SULF1: variants seen among roughly 807,000 people sequenced by gnomAD.
SULF1 encodes extracellular sulfatase Sulf-1.
In SULF1, 46 loss-of-function variants were observed where a neutral mutation model predicts 110.5. That is an observed-to-expected ratio of 0.42 (90% CI 0.33 to 0.53). The LOEUF is 0.53. SULF1 is among the 20% of genes least tolerant of loss of function. The pLI is 0.12. For synonymous variants in SULF1, 371 were observed against 387.1 expected (o/e 0.96, Z 0.49); for missense variants, 941 against 1,094.2 (o/e 0.86, Z 1.98).
intron 3 of SULF1, among the ~76,000 whole-genome samples, chr8:69,555,686 C>T (rs1260505565): frequency 2.0e-5 from 3 of 151,972 alleles, no homozygotes; most frequent in Non-Finnish European, 4.4e-5. Context: ...ATGGGGTTCT[C>T]TTGACTGCAG....
intron 3 of SULF1, among the ~76,000 whole-genome samples, chr8:69,505,307 A>C (rs967614549): frequency 6.6e-6 from 1 of 152,174 alleles, no homozygotes; most frequent in Non-Finnish European, 1.5e-5. Context: ...CCTGGTTTTC[A>C]GCTTAAAATA....
At chr8:69,515,717 A>G (rs1811881163) in intron 3 of SULF1, among the ~76,000 whole-genome samples, 1 of 152,166 alleles carries the variant, frequency 6.6e-6, no homozygotes. Flanking sequence ...TTCTTCGTTT[A>G]TGCAAATGAA....
intron 7 of SULF1, 59 bp downstream of exon 7, chr8:69,586,567 C>A: frequency 6.5e-7 from 1 of 1,546,502 alleles, no homozygotes; most frequent in South Asian, 1.2e-5. Flanking sequence ...GGGGAAAAGC[C>A]ATTTTCAGTG....
chr8:69,575,213 T>A (rs543569327), intron 5 of SULF1, among the ~76,000 whole-genome samples: 2,050 of 152,210 alleles, frequency 0.013, 46 homozygotes, highest in African/African-American at 0.047. Context: ...TTTTTTTTTT[T>A]TCCTTCCTCA....
In SULF1 at chr8:69,519,643, T is replaced by C. The variant is rs146884542; in HGVS notation, c.-134+17675T>C. Among the ~76,000 whole-genome samples, 781 of 152,282 alleles carry C rather than the reference T, an allele frequency of 5.1e-3. 5 individuals carry two copies. Among genetic ancestry groups the C allele is most frequent in the African/African-American group, 0.018 (732 of 41,570 alleles). Reference sequence around the variant, plus strand: ...TAGAATAAAAAGTAGCAGGGCTGTTTTCAGCATTCAGTCTATGAAGTTGAC... The same window carrying C: ...TAGAATAAAAAGTAGCAGGGCTGTTCTCAGCATTCAGTCTATGAAGTTGAC... On this transcript the variant is annotated intron_variant, in intron 3 of 22. Transcript: ENST00000402687.
chr8:69,612,838 G>A (rs537875279), intron 13 of SULF1, among the ~76,000 whole-genome samples: 36 of 152,242 alleles, frequency 2.4e-4, no homozygotes, highest in South Asian at 4.1e-4. Flanking sequence ...CTTTTGCTGC[G>A]CAGAAGGTTT....
At chr8:69,482,601 C>T (rs1809555971) in intron 1 of SULF1, among the ~76,000 whole-genome samples, 1 of 151,590 alleles carries the variant, frequency 6.6e-6, no homozygotes, top group East Asian at 1.9e-4. Flanking sequence ...GAGAGAGGGG[C>T]AGGGGGAGGG....
chr8:69,560,661 A>G (rs138938436), intron 3 of SULF1, among the ~76,000 whole-genome samples: 95 of 152,354 alleles, frequency 6.2e-4, no homozygotes, highest in African/African-American at 2.1e-3. Flanking sequence ...AAAGTATCCA[A>G]TTCAAACATT....
intron 3 of SULF1, among the ~76,000 whole-genome samples, chr8:69,523,032 ATAACC>A (rs1374313850): frequency 6.6e-6 from 1 of 152,228 alleles, no homozygotes; most frequent in Non-Finnish European, 1.5e-5. Flanking sequence ...AATGGAAGAC[ATAACC>A]ACCTGTTTAT....
chr8:69,656,233 A>C (rs1008519157), intron 22 of SULF1, among the ~76,000 whole-genome samples: 1 of 152,126 alleles, frequency 6.6e-6, no homozygotes, highest in African/African-American at 2.4e-5. Flanking sequence ...TGCACTTTAT[A>C]GTTTATTTCG....
intron 3 of SULF1, among the ~76,000 whole-genome samples, chr8:69,502,524 T>A (rs1810875574): frequency 6.6e-6 from 1 of 152,104 alleles, no homozygotes; most frequent in Admixed American, 6.5e-5. Flanking sequence ...CATATGAGGG[T>A]ACAACCTCAT....
In SULF1 at chr8:69,603,182, C is replaced by G. The variant is rs1336918100; in HGVS notation, c.1062-10C>G. 4 of 1,614,120 alleles carry G rather than the reference C, an allele frequency of 2.5e-6. No homozygotes were observed. Among genetic ancestry groups the G allele is most frequent in the Non-Finnish European group, 2.5e-6 (3 of 1,180,002 alleles). ...TTGGATCTCAGCCATCACCGTGTGC[C>G]CCTTTACAGAGTCCCACAGATCGTT... On this transcript the variant is annotated splice_polypyrimidine_tract_variant and intron_variant, in intron 10 of 22. Transcript: ENST00000402687.
At position 69,645,608 on chromosome 8, in the gene SULF1, A is replaced by G. The variant is rs143888375; in HGVS notation, c.2585+4767A>G. 9.2e-5 allele frequency among the ~76,000 whole-genome samples: 14 copies of G among 152,342 alleles called. No homozygotes were observed. The East Asian group carries it at 2.7e-3, about 29-fold the overall frequency. ...GCCCCAACCCAACCCTGAGAAATCA[A>G]AGGAAGCTTTCCAAGGAGTTGGCAT... On this transcript the variant is annotated intron_variant, in intron 22 of 22. Coordinates refer to ENST00000402687, the MANE Select transcript of SULF1 (RefSeq NM_001128205.2).
intron 8 of SULF1, among the ~76,000 whole-genome samples, chr8:69,595,773 A>G (rs1807260742): frequency 6.6e-6 from 1 of 152,226 alleles, no homozygotes; most frequent in South Asian, 2.1e-4. Flanking sequence ...CACTAGAAAT[A>G]TATTAATTTT....
chr8:69,502,967 G>A (rs117164856), intron 3 of SULF1, among the ~76,000 whole-genome samples: 1,705 of 152,138 alleles, frequency 0.011, 9 homozygotes, highest in Middle Eastern at 0.041. Context: ...GATTATAGGC[G>A]TGAGCCACCA....
intron 22 of SULF1, among the ~76,000 whole-genome samples, chr8:69,649,176 A>G (rs780707284): frequency 5.3e-5 from 8 of 152,218 alleles, no homozygotes; most frequent in Non-Finnish European, 1.0e-4. Flanking sequence ...TTAACTTTCT[A>G]TTTTGATATA....
At chr8:69,493,742 T>C (rs1028140576) in intron 1 of SULF1, among the ~76,000 whole-genome samples, 1 of 152,242 alleles carries the variant, frequency 6.6e-6, no homozygotes, top group Non-Finnish European at 1.5e-5. Flanking sequence ...AATTTTTCAC[T>C]GCATAACCGA....
At chr8:69,477,008 A>G (rs1003797477) in intron 1 of SULF1, among the ~76,000 whole-genome samples, 1 of 152,182 alleles carries the variant, frequency 6.6e-6, no homozygotes, top group South Asian at 2.1e-4. Context: ...AGGGACTGAA[A>G]CATGAGTTGA....
chr8:69,528,892 A>C (rs930664135), intron 3 of SULF1, among the ~76,000 whole-genome samples: 2 of 152,210 alleles, frequency 1.3e-5, no homozygotes, highest in Non-Finnish European at 2.9e-5. Flanking sequence ...GACTAAATAA[A>C]AGACACATGA....
Sources: gnomAD v4.1 joint callset for allele counts (sites outside exome capture counted in the v4.1 genomes callset) on GRCh38, gnomAD v4.1.1 for gene constraint, MANE v1.5 for transcripts, NCBI Gene and HGNC (gene_info 2026-07-23, HGNC 2026-07-21) for gene names.